LBP: variants seen among roughly 807,000 people sequenced by gnomAD.
The protein encoded by LBP is lipopolysaccharide-binding protein.
In LBP, 53 loss-of-function variants were observed where a neutral mutation model predicts 56.6. The ratio of observed to expected loss-of-function variants is 0.94; its 90% CI spans 0.75 to 1.18. LBP has a LOEUF of 1.18. Ranked by LOEUF, LBP falls within the 50% of genes most tolerant of loss-of-function variation. LBP has a pLI of 0.00. For synonymous variants in LBP, 227 were observed against 247.5 expected (o/e 0.92, Z 0.78); for missense variants, 601 against 598.3 (o/e 1.00, Z -0.05).
In LBP at chr20:38,346,681, G is replaced by T. The variant is rs142875263; in HGVS notation, c.124+41G>T. 632 of 1,609,766 alleles carry T rather than the reference G, an allele frequency of 3.9e-4. 5 individuals are homozygous for T. In the East Asian group the frequency reaches 0.013, roughly 33 times the overall value. ...TGCTGGCTGGACTTGGCAAACCCAC[G>T]CTCCAGGCTGCTCTGGGTACAGTGG... On this transcript the variant is annotated intron_variant, in intron 1 of 14. Transcript: ENST00000217407.
chr20:38,372,982 CT>C, intron 12 of LBP, 89 bp from the exon 13 acceptor site: 1 of 1,111,910 alleles, frequency 9.0e-7, no homozygotes, highest in Non-Finnish European at 1.4e-6. Flanking sequence ...TACTAGTTTG[CT>C]TTTCCCAAGC....
intron 10 of LBP, among the ~76,000 whole-genome samples, chr20:38,370,467 G>A (rs903152634): frequency 2.0e-5 from 3 of 152,094 alleles, no homozygotes; most frequent in Admixed American, 6.6e-5. Context: ...CTTTCCAAGG[G>A]TAGGTACTCT....
In LBP at chr20:38,373,930, C is replaced by G; in HGVS notation, c.1325-7C>G. 1 of 1,613,570 alleles carries G rather than the reference C, an allele frequency of 6.2e-7. No individual in the cohort carries two copies. The highest frequency in any genetic ancestry group is 1.7e-5 in the Admixed American group (1 of 60,032). On this transcript the variant is annotated splice_polypyrimidine_tract_variant and splice_region_variant and intron_variant, in intron 13 of 14. Transcript: ENST00000217407. ...AATCTCTTTCAATGTTGTGCTTCAACCTCTAGATAAGTTGGCCGAAGGCTT... is the reference window on the plus strand; with the variant it reads ...AATCTCTTTCAATGTTGTGCTTCAAGCTCTAGATAAGTTGGCCGAAGGCTT...
At chr20:38,355,781 C>T (rs1357031158) in intron 5 of LBP, among the ~76,000 whole-genome samples, 1 of 152,084 alleles carries the variant, frequency 6.6e-6, no homozygotes, top group Non-Finnish European at 1.5e-5. Flanking sequence ...GGCAGGAAAG[C>T]TCAGCGAGGG....
At position 38,373,140 on chromosome 20, in the gene LBP, G is replaced by A. The variant is rs368759733; in HGVS notation, c.1324+5G>A. On this transcript the variant is annotated splice_donor_5th_base_variant and intron_variant, in intron 13 of 14. Transcript: ENST00000217407. The stretch of plus-strand genomic sequence containing the variant: ...CCTTCTACCCCAAGTTCAATGGTAA[G>A]AATCACTGTGGATTTTTCCAAGTCA... 1.2e-6 allele frequency: 2 copies of A among 1,612,032 alleles called. No homozygotes were observed. The highest frequency in any genetic ancestry group is 1.7e-4 in the Middle Eastern group (1 of 6,056).
At chr20:38,375,405 A>AC (rs1204893151) in intron 14 of LBP, among the ~76,000 whole-genome samples, 2 of 151,662 alleles carry the variant, frequency 1.3e-5, no homozygotes, top group Admixed American at 6.6e-5. Context: ...ACATGGTGAA[A>AC]CCCCATCTCT....
intron 2 of LBP, 89 bp downstream of exon 2, chr20:38,349,751 T>C: frequency 6.1e-6 from 6 of 980,296 alleles, no homozygotes; most frequent in Non-Finnish European, 9.1e-6. Flanking sequence ...AGCCTCAGGA[T>C]TGGGCTGTGG....
intron 5 of LBP, among the ~76,000 whole-genome samples, chr20:38,357,414 G>A (rs1480891788): frequency 3.9e-5 from 6 of 152,146 alleles, no homozygotes; most frequent in Non-Finnish European, 8.8e-5. Flanking sequence ...AGAGCCTGAC[G>A]CAGGCCTTTC....
At chr20:38,348,212 G>T (rs2076807522) in intron 1 of LBP, among the ~76,000 whole-genome samples, 1 of 152,196 alleles carries the variant, frequency 6.6e-6, no homozygotes, top group South Asian at 2.1e-4. Context: ...TACTTGCATT[G>T]AAACTGTAAA....
chr20:38,376,782 C>T lies in LBP; in HGVS notation c.*113C>T, dbSNP rs1009028189. 3.4e-5 allele frequency: 37 copies of T among 1,087,676 alleles called. No homozygotes were observed. Among genetic ancestry groups the T allele is most frequent in the Middle Eastern group, 2.0e-4 (1 of 5,094 alleles). 67.4% of individuals were successfully genotyped at this position (1,087,676 alleles called of 1,614,324 possible). ...ATGAAGACATTTCTGCTCTCAGCTCCGGGGGTGAGGTGTGCCTGGCCTCTG... is the reference window on the plus strand; with the variant it reads ...ATGAAGACATTTCTGCTCTCAGCTCTGGGGGTGAGGTGTGCCTGGCCTCTG... On this transcript the variant is annotated 3_prime_UTR_variant, in exon 15 of 15. Transcript: ENST00000217407.
chr20:38,351,047 A>T, intron 3 of LBP, 108 bp downstream of exon 3: 1 of 1,431,708 alleles, frequency 7.0e-7, no homozygotes, highest in Non-Finnish European at 9.5e-7. Flanking sequence ...CGTGATGGAC[A>T]GATGGAGTCC....
rs1445575117 is a variant in LBP at position 38,376,882 on chromosome 20, G to A, written c.*213G>A. ...TGGACTTTGCTTCCCCTCCAGGAGG[G>A]ACCACCCTCCCCGACTGGCCTGGGA... is the stretch of plus-strand genomic sequence containing the variant. On this transcript the variant is annotated 3_prime_UTR_variant, in exon 15 of 15. Coordinates refer to ENST00000217407, the MANE Select transcript of LBP (RefSeq NM_004139.5). 1 of 693,966 alleles carries A rather than the reference G, an allele frequency of 1.4e-6. No homozygotes were observed. The highest frequency in any genetic ancestry group is 1.5e-5 in the South Asian group (1 of 67,736). 43.0% of individuals were successfully genotyped at this position (693,966 alleles called of 1,614,324 possible).
intron 3 of LBP, among the ~76,000 whole-genome samples, chr20:38,352,712 G>A (rs1600722700): frequency 6.6e-6 from 1 of 152,070 alleles, no homozygotes. Context: ...CCAAGATCAC[G>A]CCACTGCACT....
intron 11 of LBP, 26 bp downstream of exon 11, chr20:38,370,831 G>A: frequency 6.3e-7 from 1 of 1,586,784 alleles, no homozygotes; most frequent in Admixed American, 1.7e-5. Context: ...ACCTACATGG[G>A]GGTGCCCAGC....
At chr20:38,349,422 C>A in intron 1 of LBP, 126 bp from the exon 2 acceptor site, 1 of 709,338 alleles carries the variant, frequency 1.4e-6, no homozygotes, top group South Asian at 1.6e-5. Flanking sequence ...CATATCCTGT[C>A]ATTGTACTTA....
intron 13 of LBP, 35 bp downstream of exon 13, chr20:38,373,170 T>C: frequency 6.5e-7 from 1 of 1,542,914 alleles, no homozygotes; most frequent in Non-Finnish European, 9.0e-7. Context: ...AAGTCAAAAG[T>C]GAACACTGCT....
chr20:38,352,556 A>G (rs979403517), intron 3 of LBP, among the ~76,000 whole-genome samples: 3 of 152,222 alleles, frequency 2.0e-5, no homozygotes, highest in African/African-American at 7.2e-5. Context: ...GGAGTTCAAG[A>G]CCAGCTTGGT....
At position 38,376,646 on chromosome 20, in the gene LBP, A is replaced by G. The variant is rs866467480; in HGVS notation, c.1423A>G (p.Asn475Asp). 8 of 1,614,074 alleles carry G rather than the reference A, an allele frequency of 5.0e-6. 1 individual carries two copies. In the Middle Eastern group the frequency reaches 1.3e-3, roughly 266 times the overall value. Residue 475 changes from asparagine (N) to aspartate (D), a missense_variant, in exon 15 of 15, where the codon AAT becomes GAT. Asn to Asp is a conservative substitution (Grantham distance 23). Coordinates refer to ENST00000217407, the MANE Select transcript of LBP (RefSeq NM_004139.5). Reference protein sequence around the residue: ...IHKDFLFLGANVQYMRV With the variant: ...IHKDFLFLGADVQYMRV ...CTAGGACTTCCTGTTCTTGGGTGCC[A>G]ATGTCCAATACATGAGAGTTTGAGG...
intron 7 of LBP, 121 bp downstream of exon 7, chr20:38,364,187 C>A: frequency 1.4e-6 from 1 of 707,520 alleles, no homozygotes; most frequent in Non-Finnish European, 2.5e-6. Flanking sequence ...CCCGCTTTGT[C>A]AAGGGCCGGG....
Sources: gnomAD v4.1 joint callset for allele counts (sites outside exome capture counted in the v4.1 genomes callset) on GRCh38, gnomAD v4.1.1 for gene constraint, MANE v1.5 for transcripts, NCBI Gene and HGNC (gene_info 2026-07-23, HGNC 2026-07-21) for gene names.